DERA: variants seen among roughly 807,000 people sequenced by gnomAD.
DERA encodes 2-deoxy-D-ribose 5-phosphate aldolase.
In DERA, 15 loss-of-function variants were observed where a neutral mutation model predicts 41.1. The observed-to-expected ratio is 0.37, with a 90% confidence interval of 0.24 to 0.56. The LOEUF is 0.56. DERA is among the 20% of genes least tolerant of loss of function. DERA has a pLI of 0.81. For synonymous variants in DERA, 139 were observed against 137.4 expected, an observed-to-expected ratio of 1.01 and a Z score of -0.08; for missense variants, 396 against 403.4, an observed-to-expected ratio of 0.98 and a Z score of 0.16.
intron 1 of DERA, among the ~76,000 whole-genome samples, chr12:15,917,278 T>G (rs914326079): frequency 6.6e-6 from 1 of 152,226 alleles, no homozygotes; most frequent in African/African-American, 2.4e-5. Flanking sequence ...TGACTCTAGC[T>G]CTTAGCTCAG....
rs115492297 is a variant in DERA, at chr12:16,031,811, C to G, written c.638-731C>G. 2.4e-3 allele frequency among the ~76,000 whole-genome samples: 363 copies of G among 152,268 alleles called. 1 individual carries two copies. The highest frequency in any genetic ancestry group is 8.2e-3 in the African/African-American group (340 of 41,550). On this transcript the variant is annotated intron_variant, in intron 6 of 8. Transcript: ENST00000428559. The stretch of plus-strand genomic sequence containing the variant: ...AAAGTAGAGATCGTATTACTATGAT[C>G]TCTATTTGTAGCTCATGCAGGTATT...
Position 15,934,966 on chromosome 12 carries a change from T to G in DERA, c.32-21970T>G, listed in dbSNP as rs370675502. Among the ~76,000 whole-genome samples the G allele has an allele frequency of 3.9e-5, 6 of 152,292 alleles. No homozygotes were observed. The East Asian group carries it at 9.6e-4, about 24-fold the overall frequency. On this transcript the variant is annotated intron_variant, in intron 1 of 8. Transcript: ENST00000428559. ...ATTAAAACAATAGCGAAAAAGATTA[T>G]GATAAAGCTGCTGTTCCTCCCAGAG...
intron 6 of DERA, among the ~76,000 whole-genome samples, chr12:16,023,473 C>CATTT (rs1949031458): frequency 8.9e-6 from 1 of 111,918 alleles, no homozygotes; most frequent in African/African-American, 3.8e-5. Flanking sequence ...AACTCAAAGT[C>CATTT]TTTTTTTTTT....
chr12:15,926,533 G>C (rs942677575), intron 1 of DERA, among the ~76,000 whole-genome samples: 3 of 151,842 alleles, frequency 2.0e-5, no homozygotes, highest in Non-Finnish European at 2.9e-5. Flanking sequence ...TGAGGAGATC[G>C]AGACCATCCT....
chr12:15,961,504 A>G (rs1948587504), intron 4 of DERA, among the ~76,000 whole-genome samples: 1 of 151,330 alleles, frequency 6.6e-6, no homozygotes, highest in South Asian at 2.1e-4. Context: ...AGATCTCTAC[A>G]AAAAAATAAA....
Position 15,989,586 on chromosome 12 carries a change from T to C in DERA, c.637+7150T>C, listed in dbSNP as rs1322051428. 1.3e-5 allele frequency among the ~76,000 whole-genome samples: 2 copies of C among 152,254 alleles called. No individual in the cohort carries two copies. The highest frequency in any genetic ancestry group is 4.8e-5 in the African/African-American group (2 of 41,466). ...TTAATTTTTTAGTGCCTGAGTTTTATTGTTATTTATAGCAGGAGGGCGAGT... is the reference window on the plus strand; with the variant it reads ...TTAATTTTTTAGTGCCTGAGTTTTACTGTTATTTATAGCAGGAGGGCGAGT... On this transcript the variant is annotated intron_variant, in intron 6 of 8. Coordinates refer to ENST00000428559, the MANE Select transcript of DERA (RefSeq NM_015954.4). This position sits in a 1 kb window ranked among gnomAD's most constrained non-coding sequence, Gnocchi z 5.2.
At chr12:15,923,997 T>G (rs1254316295) in intron 1 of DERA, among the ~76,000 whole-genome samples, 1 of 152,260 alleles carries the variant, frequency 6.6e-6, no homozygotes, top group African/African-American at 2.4e-5. Flanking sequence ...AATTACTGTA[T>G]TCTCAGTCTT....
intron 1 of DERA, among the ~76,000 whole-genome samples, chr12:15,933,012 A>G (rs942817316): frequency 4.6e-5 from 7 of 152,120 alleles, no homozygotes; most frequent in Non-Finnish European, 7.4e-5. Flanking sequence ...CTTCTTTTTC[A>G]AGGCTGAATA....
intron 5 of DERA, among the ~76,000 whole-genome samples, chr12:15,968,766 T>A (rs1948640806): frequency 6.6e-6 from 1 of 152,212 alleles, no homozygotes; most frequent in Non-Finnish European, 1.5e-5. Flanking sequence ...TTGGCCCAGA[T>A]GCAGCCCTCC....
intron 6 of DERA, among the ~76,000 whole-genome samples, chr12:16,029,427 AAAATAAATAAAT>A (rs77820032): frequency 2.0e-5 from 3 of 150,412 alleles, no homozygotes; most frequent in Admixed American, 1.3e-4. Context: ...ACTCCGTCTC[AAAATAAATAAAT>A]AAATAAATAA....
rs1485104361 is a variant in DERA, at chr12:16,001,357, A to T, written c.637+18921A>T. ...TATAATTGAATATACTTTTCAGCTA[A>T]ACCCACCCCTTTCCACTGGCTGTTT... On this transcript the variant is annotated intron_variant, in intron 6 of 8. Coordinates refer to ENST00000428559, the MANE Select transcript of DERA (RefSeq NM_015954.4). The surrounding 1 kb of genome is among the most constrained non-coding windows in gnomAD (Gnocchi z 4.1). 6.6e-6 allele frequency among the ~76,000 whole-genome samples: 1 copy of T among 152,228 alleles called. No individual in the cohort carries two copies. The highest frequency in any genetic ancestry group is 1.5e-5 in the Non-Finnish European group (1 of 68,042).
chr12:16,019,381 T>G lies in DERA; in HGVS notation c.638-13161T>G, dbSNP rs1329429166. Among the ~76,000 whole-genome samples, 1 of 152,206 alleles carries G rather than the reference T, an allele frequency of 6.6e-6. No individual in the cohort carries two copies. Among genetic ancestry groups the G allele is most frequent in the Non-Finnish European group, 1.5e-5 (1 of 68,044 alleles). ...CAACACATCCAATACAGACACTAAATTTAGCATCTTAAAACACTGATTTCA... is the reference window on the plus strand; with the variant it reads ...CAACACATCCAATACAGACACTAAAGTTAGCATCTTAAAACACTGATTTCA... On this transcript the variant is annotated intron_variant, in intron 6 of 8. Transcript: ENST00000428559. This position sits in a 1 kb window ranked among gnomAD's most constrained non-coding sequence, Gnocchi z 4.4.
At position 15,936,906 on chromosome 12, in the gene DERA, C is replaced by T. The variant is rs879650090; in HGVS notation, c.32-20030C>T. 0.19 allele frequency among the ~76,000 whole-genome samples: 26,709 copies of T among 137,528 alleles called. 2,854 individuals carry two copies. The highest frequency in any genetic ancestry group is 0.27 in the Admixed American group (3,644 of 13,328). The allele number at this position is 137,528 out of a possible 152,430, so 90.2% of individuals were successfully genotyped here. ...TTGTCTTGTCCTGTCCTGTCCTGTC[C>T]TGTCCTGTCCTGTCCTGTCCTGTCC... is the stretch of plus-strand genomic sequence containing the variant. On this transcript the variant is annotated intron_variant, in intron 1 of 8. Coordinates refer to ENST00000428559, the MANE Select transcript of DERA (RefSeq NM_015954.4). The surrounding 1 kb of genome is among the most constrained non-coding windows in gnomAD (Gnocchi z 4.6).
intron 7 of DERA, among the ~76,000 whole-genome samples, chr12:16,034,394 CTT>C (rs1348546081): frequency 6.6e-6 from 1 of 152,212 alleles, no homozygotes; most frequent in African/African-American, 2.4e-5. Flanking sequence ...GGGAGGGACA[CTT>C]TGCTGTCTTT....
At position 15,957,418 on chromosome 12, in the gene DERA, T is replaced by G. The variant is rs1652933593; in HGVS notation, c.129+385T>G. Among the ~76,000 whole-genome samples, 1 of 152,238 alleles carries G rather than the reference T, an allele frequency of 6.6e-6. No individual in the cohort carries two copies. Among genetic ancestry groups the G allele is most frequent in the African/African-American group, 2.4e-5 (1 of 41,454 alleles). ...TGTCCACTGTTGAGGCCCTTAGGTA[T>G]AAGAGTTGACCTTTCTTGACCATCA... On this transcript the variant is annotated intron_variant, in intron 2 of 8. Coordinates refer to ENST00000428559, the MANE Select transcript of DERA (RefSeq NM_015954.4). The surrounding 1 kb of genome is among the most constrained non-coding windows in gnomAD (Gnocchi z 4.8).
intron 1 of DERA, among the ~76,000 whole-genome samples, chr12:15,947,436 G>A (rs143670903): frequency 2.9e-3 from 434 of 152,254 alleles, no homozygotes; most frequent in African/African-American, 9.2e-3. Flanking sequence ...TCTTCTTGTT[G>A]AATTGATCTC....
At position 15,934,729 on chromosome 12, in the gene DERA, A is replaced by G. The variant is rs575382760; in HGVS notation, c.32-22207A>G. Among the ~76,000 whole-genome samples, 5 of 152,328 alleles carry G rather than the reference A, an allele frequency of 3.3e-5. No individual in the cohort carries two copies. The East Asian group carries it at 5.8e-4, about 18-fold the overall frequency. On this transcript the variant is annotated intron_variant, in intron 1 of 8. Coordinates refer to ENST00000428559, the MANE Select transcript of DERA (RefSeq NM_015954.4). Reference sequence around the variant, plus strand: ...TTCAAGACAAGAAGTACATTTCTCAAACAACTTTTGATATGTGAATTGCTG... The same window carrying G: ...TTCAAGACAAGAAGTACATTTCTCAGACAACTTTTGATATGTGAATTGCTG...
intron 1 of DERA, among the ~76,000 whole-genome samples, chr12:15,945,870 T>C (rs185785829): frequency 3.9e-4 from 60 of 152,324 alleles, no homozygotes; most frequent in African/African-American, 1.3e-3. Flanking sequence ...TGTGAGTTTG[T>C]CATAAATAGC....
rs1378613446 is a variant in DERA at position 16,001,241 on chromosome 12, CAT to C, written c.637+18806_637+18807del. ...ATGTAACAAACCTGCACATTCTGCACATGTTTATCCTATTTTTTTGTTTGTTT... is the reference window on the plus strand; with the variant it reads ...ATGTAACAAACCTGCACATTCTGCACGTTTATCCTATTTTTTTGTTTGTTT... On this transcript the variant is annotated intron_variant, in intron 6 of 8. Transcript: ENST00000428559. This position sits in a 1 kb window ranked among gnomAD's most constrained non-coding sequence, Gnocchi z 4.1. Among the ~76,000 whole-genome samples, 9 of 152,160 alleles carry C rather than the reference CAT, an allele frequency of 5.9e-5. No homozygotes were observed. Among genetic ancestry groups the C allele is most frequent in the Non-Finnish European group, 1.0e-4 (7 of 68,036 alleles).
Sources: gnomAD v4.1 joint callset for allele counts (sites outside exome capture counted in the v4.1 genomes callset) on GRCh38, gnomAD v4.1.1 for gene constraint, Gnocchi (gnomAD v3.1) non-coding constraint, MANE v1.5 for transcripts, NCBI Gene and HGNC (gene_info 2026-07-23, HGNC 2026-07-21) for gene names.